Variants in SCHIP1 observed in about 807,000 individuals in gnomAD.
The protein encoded by SCHIP1 is schwannomin interacting protein 1.
SCHIP1 carries 8 observed loss-of-function variants against 29.7 expected under a neutral mutation model. The observed-to-expected ratio is 0.27, with a 90% CI of 0.16 to 0.49. The LOEUF (loss-of-function observed/expected upper bound fraction) is 0.49, where lower values mean the gene tolerates loss of function less well. Ranked by LOEUF, SCHIP1 falls within the 20% of genes least tolerant of loss-of-function variation. The probability of loss-of-function intolerance (pLI) is 0.99; values close to 1 mark genes in which losing one functional copy is unlikely to be tolerated. For missense variants in SCHIP1, 193 were observed against 294.6 expected (o/e 0.66, Z 2.52); for synonymous variants, 76 against 94.9 (o/e 0.80, Z 1.16).
At chr3:159,616,911 C>T in the SCHIP1 span, among the ~76,000 whole-genome samples, 7 of 152,070 alleles carry the variant, frequency 4.6e-5, no homozygotes, top group Non-Finnish European at 1.0e-4. Context: ...AATTAAAATT[C>T]AATAAAATTA....
At chr3:159,519,439 A>AT in the SCHIP1 span, among the ~76,000 whole-genome samples, 1 of 152,114 alleles carries the variant, frequency 6.6e-6, no homozygotes, top group Non-Finnish European at 1.5e-5. Context: ...CTAGTACTTG[A>AT]TTTTTTAAAA....
chr3:159,667,558 C>T, the SCHIP1 span, among the ~76,000 whole-genome samples: 1 of 152,146 alleles, frequency 6.6e-6, no homozygotes, highest in Non-Finnish European at 1.5e-5. Context: ...GGGAGGCTGA[C>T]ACAGGTAGTG....
At chr3:159,283,057 G>T in the SCHIP1 span, among the ~76,000 whole-genome samples, 1 of 152,216 alleles carries the variant, frequency 6.6e-6, no homozygotes, top group Middle Eastern at 3.4e-3. Flanking sequence ...ATCTAGGAAC[G>T]CTGTGTAGAT....
chr3:159,397,667 A>G, the SCHIP1 span, among the ~76,000 whole-genome samples: 1 of 152,218 alleles, frequency 6.6e-6, no homozygotes. Context: ...TTGAGGAGGC[A>G]GTCTGCCCGT....
the SCHIP1 span, among the ~76,000 whole-genome samples, chr3:159,625,663 GCT>G: frequency 6.6e-6 from 1 of 152,014 alleles, no homozygotes; most frequent in Non-Finnish European, 1.5e-5. Flanking sequence ...CTACAAATGG[GCT>G]CTTTTTTGTT....
At chr3:159,680,662 A>ATATATT in the SCHIP1 span, among the ~76,000 whole-genome samples, 1 of 39,414 alleles carries the variant, frequency 2.5e-5, no homozygotes, top group Non-Finnish European at 4.3e-5. Context: ...GTATATATAA[A>ATATATT]ATATATATTA....
chr3:159,878,276 G>A lies in SCHIP1; in HGVS notation c.150-7931G>A, dbSNP rs530570846. ...GTGGATCACATGAGGTCAGTAGTTC[G>A]GGACCAGCCTGGCCAACATGGTGAA... is the stretch of plus-strand genomic sequence containing the variant. On this transcript the variant is annotated intron_variant, in intron 2 of 6. Coordinates refer to ENST00000445224, the Ensembl canonical transcript of SCHIP1. Among the ~76,000 whole-genome samples the A allele has an allele frequency of 4.0e-4, 61 of 152,000 alleles. 3 individuals are homozygous for A. The South Asian group carries it at 0.012, about 31-fold the overall frequency.
intron 1 of SCHIP1, chr3:159,840,284 A>C: frequency 2.2e-6 from 3 of 1,349,532 alleles, no homozygotes; most frequent in Non-Finnish European, 3.1e-6. Flanking sequence ...CCAAAGCAGC[A>C]GGTTGCCTCT....
chr3:159,480,585 A>C, the SCHIP1 span, among the ~76,000 whole-genome samples: 2 of 152,112 alleles, frequency 1.3e-5, no homozygotes, highest in Non-Finnish European at 2.9e-5. Flanking sequence ...CTCAGCATTT[A>C]TTATAAATCC....
At chr3:159,532,596 A>T in the SCHIP1 span, among the ~76,000 whole-genome samples, 1 of 152,224 alleles carries the variant, frequency 6.6e-6, no homozygotes. Context: ...ATGGAGTTTC[A>T]TAAAGGAAAA....
the SCHIP1 span, among the ~76,000 whole-genome samples, chr3:159,609,546 T>G: frequency 6.6e-6 from 1 of 152,136 alleles, no homozygotes; most frequent in Non-Finnish European, 1.5e-5. Flanking sequence ...CAGCTTGATG[T>G]GGCCTCGTGA....
chr3:159,754,846 T>C, the SCHIP1 span, among the ~76,000 whole-genome samples: 2 of 152,242 alleles, frequency 1.3e-5, no homozygotes, highest in South Asian at 4.1e-4. Flanking sequence ...GAATTGAGGA[T>C]GAAACCTGCT....
At chr3:159,283,714 T>G in the SCHIP1 span, among the ~76,000 whole-genome samples, 260 of 152,322 alleles carry the variant, frequency 1.7e-3, no homozygotes, top group African/African-American at 6.1e-3. Context: ...CTCTTAATAG[T>G]ACTTCAGAAT....
chr3:159,492,762 T>C, the SCHIP1 span, among the ~76,000 whole-genome samples: 4 of 152,074 alleles, frequency 2.6e-5, no homozygotes, highest in Non-Finnish European at 4.4e-5. Flanking sequence ...GCCACAAAGA[T>C]ACTCCTTGAG....
At chr3:159,466,462 A>G in the SCHIP1 span, among the ~76,000 whole-genome samples, 1 of 152,154 alleles carries the variant, frequency 6.6e-6, no homozygotes, top group East Asian at 1.9e-4. Flanking sequence ...TTCATAGGGT[A>G]ACAGTAAGAA....
the SCHIP1 span, among the ~76,000 whole-genome samples, chr3:159,487,024 A>C: frequency 2.0e-5 from 3 of 152,222 alleles, no homozygotes; most frequent in African/African-American, 7.2e-5. Context: ...CTCTTGGAGA[A>C]TAGACTGGTG....
chr3:159,861,665 G>C lies in SCHIP1; in HGVS notation c.31-4498G>C, dbSNP rs907221617. On this transcript the variant is annotated intron_variant, in intron 1 of 6. Coordinates refer to ENST00000445224, the Ensembl canonical transcript of SCHIP1. The surrounding 1 kb of genome is among the most constrained non-coding windows in gnomAD (Gnocchi z 4.1). ...TTTACTTTCATCTGGGGCTTGAATA[G>C]CTTTTCTGCCTGATAGTGATGAGCC... Among the ~76,000 whole-genome samples the C allele has an allele frequency of 3.3e-5, 5 of 152,214 alleles. No individual in the cohort carries two copies. The highest frequency in any genetic ancestry group is 4.8e-5 in the African/African-American group (2 of 41,452).
the SCHIP1 span, among the ~76,000 whole-genome samples, chr3:159,519,610 A>C: frequency 3.3e-5 from 5 of 152,332 alleles, no homozygotes; most frequent in African/African-American, 1.2e-4. Flanking sequence ...ACTTTTAAAA[A>C]AAATTATTTT....
chr3:159,654,522 C>T, the SCHIP1 span, among the ~76,000 whole-genome samples: 1 of 152,092 alleles, frequency 6.6e-6, no homozygotes, highest in African/African-American at 2.4e-5. Context: ...TATATATTAT[C>T]AGTCATCTCT....
Sources: allele counts gnomAD v4.1 joint callset (sites outside exome capture counted in the v4.1 genomes callset), GRCh38; gene constraint gnomAD v4.1.1; non-coding constraint Gnocchi (gnomAD v3.1); transcripts MANE v1.5; gene names NCBI Gene and HGNC (gene_info 2026-07-23, HGNC 2026-07-21).